The following GRB14 variants were observed in gnomAD, a reference collection of about 807,000 sequenced individuals.
GRB14 encodes the protein growth factor receptor-bound protein 14.
A neutral mutation model predicts 69.1 loss-of-function variants in GRB14; 38 were observed. That is an observed-to-expected ratio of 0.55 (90% CI 0.42 to 0.72). The LOEUF (loss-of-function observed/expected upper bound fraction) is 0.72. GRB14 is among the 30% of genes least tolerant of loss of function. GRB14 has a pLI of 0.00. For synonymous variants in GRB14, 247 were observed against 241.3 expected (o/e 1.02, Z -0.22); for missense variants, 666 against 666.1 (o/e 1.00, Z 0.00).
At chr2:164,570,077 C>T (rs1014235941) in intron 2 of GRB14, among the ~76,000 whole-genome samples, 2 of 151,936 alleles carry the variant, frequency 1.3e-5, no homozygotes, top group Non-Finnish European at 2.9e-5. Context: ...GTTATCTCTG[C>T]ATCCTGGCTA....
intron 2 of GRB14, among the ~76,000 whole-genome samples, chr2:164,565,933 C>T (rs2105326325): frequency 6.6e-6 from 1 of 152,298 alleles, no homozygotes; most frequent in South Asian, 2.1e-4. Flanking sequence ...CACTTACAGC[C>T]ACTTGGATCA....
chr2:164,590,862 G>A lies in GRB14; in HGVS notation c.324+28825C>T, dbSNP rs185903856. Among the ~76,000 whole-genome samples, 14 of 152,096 alleles carry A rather than the reference G, an allele frequency of 9.2e-5. No individual in the cohort carries two copies. The East Asian group carries it at 2.1e-3, about 23-fold the overall frequency. On this transcript the variant is annotated intron_variant, in intron 2 of 13. Transcript: ENST00000263915. The stretch of plus-strand genomic sequence containing the variant: ...CTGAATATACAACTGCACTGGTCCC[G>A]CTATTCTAAATCATGTTTGCAAAGC...
chr2:164,503,995 T>C (rs926648823), intron 8 of GRB14, among the ~76,000 whole-genome samples: 4 of 152,150 alleles, frequency 2.6e-5, no homozygotes, highest in African/African-American at 9.6e-5. Flanking sequence ...CAAAATATGT[T>C]AGAGAGGACC....
chr2:164,593,879 G>C (rs925222620), intron 2 of GRB14, among the ~76,000 whole-genome samples: 6 of 151,994 alleles, frequency 3.9e-5, no homozygotes, highest in African/African-American at 1.5e-4. Context: ...AATAAATTTG[G>C]AAATAGAATC....
intron 2 of GRB14, among the ~76,000 whole-genome samples, chr2:164,562,952 T>C (rs1004687512): frequency 2.0e-5 from 3 of 152,196 alleles, no homozygotes; most frequent in Non-Finnish European, 4.4e-5. Flanking sequence ...TGTGACACCC[T>C]TCCTGGTTGA....
chr2:164,525,620 C>T (rs1272181684), intron 4 of GRB14, among the ~76,000 whole-genome samples: 1 of 152,048 alleles, frequency 6.6e-6, no homozygotes, highest in Non-Finnish European at 1.5e-5. Context: ...TCCCAGGCCT[C>T]ATTCCTGGAG....
At chr2:164,561,228 G>A (rs932802006) in intron 2 of GRB14, among the ~76,000 whole-genome samples, 1 of 152,190 alleles carries the variant, frequency 6.6e-6, no homozygotes, top group African/African-American at 2.4e-5. Flanking sequence ...GGAATCTGCT[G>A]TGATCAGATC....
At chr2:164,525,618 C>G (rs1206678006) in intron 4 of GRB14, among the ~76,000 whole-genome samples, 1 of 152,008 alleles carries the variant, frequency 6.6e-6, no homozygotes, top group Non-Finnish European at 1.5e-5. Context: ...ATTCCCAGGC[C>G]TCATTCCTGG....
At chr2:164,570,146 G>A (rs1469999604) in intron 2 of GRB14, among the ~76,000 whole-genome samples, 1 of 151,630 alleles carries the variant, frequency 6.6e-6, no homozygotes, top group African/African-American at 2.4e-5. Flanking sequence ...ATGGTGGCAC[G>A]TGCCTGTAGT....
intron 4 of GRB14, among the ~76,000 whole-genome samples, chr2:164,526,213 A>G (rs1687770456): frequency 6.6e-6 from 1 of 152,070 alleles, no homozygotes; most frequent in Non-Finnish European, 1.5e-5. Flanking sequence ...GTTTGAAAAT[A>G]TTCTATTATG....
chr2:164,612,420 T>C (rs1416652072), intron 2 of GRB14, among the ~76,000 whole-genome samples: 1 of 152,230 alleles, frequency 6.6e-6, no homozygotes, highest in East Asian at 1.9e-4. Context: ...AATTAAAGGA[T>C]GGTCTCCCTA....
chr2:164,620,367 C>T (rs1574364901), intron 1 of GRB14, among the ~76,000 whole-genome samples: 1 of 152,102 alleles, frequency 6.6e-6, no homozygotes, highest in South Asian at 2.1e-4. Flanking sequence ...TGCCCACACA[C>T]AGTCTGTTGA....
chr2:164,609,886 C>G (rs551864224), intron 2 of GRB14, among the ~76,000 whole-genome samples: 1 of 152,312 alleles, frequency 6.6e-6, no homozygotes, highest in African/African-American at 2.4e-5. Flanking sequence ...CAACACTGGT[C>G]AAAATCCTCA....
intron 2 of GRB14, among the ~76,000 whole-genome samples, chr2:164,590,317 A>G (rs1276990611): frequency 6.6e-6 from 1 of 152,218 alleles, no homozygotes; most frequent in African/African-American, 2.4e-5. Context: ...TCAAGGAATT[A>G]AGACCAGTCA....
intron 12 of GRB14, among the ~76,000 whole-genome samples, chr2:164,494,970 G>A (rs954900901): frequency 2.0e-5 from 3 of 150,098 alleles, no homozygotes; most frequent in Non-Finnish European, 4.4e-5. Context: ...TTTTTCTTTT[G>A]AAACAGGGTC....
At chr2:164,601,342 C>G (rs908697870) in intron 2 of GRB14, among the ~76,000 whole-genome samples, 41 of 152,068 alleles carry the variant, frequency 2.7e-4, no homozygotes, top group Admixed American at 5.2e-4. Context: ...AAGAAAAACA[C>G]TATGGAGGTA....
In GRB14 at chr2:164,497,441, T is replaced by C; in HGVS notation, c.1154A>G (p.Lys385Arg). Residue 385 changes from lysine to arginine, a missense_variant, in exon 10 of 14, where the codon AAA becomes AGA. By Grantham distance (26) the Lys-to-Arg change is conservative (BLOSUM62 2). Transcript: ENST00000263915. ...AGTGGGATTTTCTATAACTCTGCTTTTCTGGCCTGAGAAGTCCATTGCTAC... is the reference window on the plus strand; with the variant it reads ...AGTGGGATTTTCTATAACTCTGCTTCTCTGGCCTGAGAAGTCCATTGCTAC... ...SLVAMDFSGQ[K>R]SRVIENPTEA... 2 of 1,613,810 alleles carry C rather than the reference T, an allele frequency of 1.2e-6. No homozygotes were observed. The highest frequency in any genetic ancestry group is 2.2e-5 in the South Asian group (2 of 91,036).
intron 1 of GRB14, chr2:164,620,030 CTCTT>C (rs1391371565): frequency 1.8e-5 from 5 of 272,976 alleles, no homozygotes; most frequent in Non-Finnish European, 2.6e-5. Flanking sequence ...TATAGTTCCT[CTCTT>C]TCTGTCTCTC....
chr2:164,570,490 C>T (rs1177706228), intron 2 of GRB14, among the ~76,000 whole-genome samples: 1 of 151,770 alleles, frequency 6.6e-6, no homozygotes, highest in Non-Finnish European at 1.5e-5. Context: ...TTAAAATATC[C>T]CATTCAGTGG....
Sources: gnomAD v4.1 joint callset for allele counts (sites outside exome capture counted in the v4.1 genomes callset) on GRCh38, gnomAD v4.1.1 for gene constraint, MANE v1.5 for transcripts, NCBI Gene and HGNC (gene_info 2026-07-23, HGNC 2026-07-21) for gene names.